OPCML: variants seen among roughly 807,000 people sequenced by gnomAD.
OPCML encodes opioid binding protein/cell adhesion molecule like.
Under a neutral mutation model 37.8 loss-of-function variants are expected in OPCML, and 13 were observed. The observed-to-expected ratio is 0.34, with a 90% CI of 0.22 to 0.55. The LOEUF (loss-of-function observed/expected upper bound fraction) is 0.55, where lower values mean the gene tolerates loss of function less well. Ranked by LOEUF, OPCML falls within the 20% of genes least tolerant of loss-of-function variation. OPCML has a pLI of 0.91. For missense variants in OPCML, 341 were observed against 435.6 expected, an observed-to-expected ratio of 0.78 and a Z score of 1.93; for synonymous variants, 176 against 168.8, an observed-to-expected ratio of 1.04 and a Z score of -0.33.
chr11:133,493,894 C>T (rs943259936), intron 1 of OPCML, among the ~76,000 whole-genome samples: 13 of 151,730 alleles, frequency 8.6e-5, no homozygotes, highest in Non-Finnish European at 1.3e-4. Context: ...TTCTGCACAG[C>T]GAAAGAAACT....
chr11:133,275,600 C>T (rs1941970529), intron 1 of OPCML, among the ~76,000 whole-genome samples: 1 of 152,150 alleles, frequency 6.6e-6, no homozygotes, highest in East Asian at 1.9e-4. Context: ...TCTACAAATA[C>T]AGACATGAGC....
intron 4 of OPCML, among the ~76,000 whole-genome samples, chr11:132,515,422 G>A (rs1243252332): frequency 6.6e-6 from 1 of 152,140 alleles, no homozygotes; most frequent in Admixed American, 6.5e-5. Context: ...CTATACTTTA[G>A]GTGTTCTGTG....
intron 1 of OPCML, among the ~76,000 whole-genome samples, chr11:133,430,231 G>A (rs1946089528): frequency 2.0e-5 from 3 of 152,102 alleles, no homozygotes; most frequent in African/African-American, 4.8e-5. Context: ...TGGTGGAGAG[G>A]TGAGATCTAA....
At chr11:132,516,818 G>C (rs2096280949) in intron 4 of OPCML, among the ~76,000 whole-genome samples, 1 of 152,102 alleles carries the variant, frequency 6.6e-6, no homozygotes, top group East Asian at 1.9e-4. Flanking sequence ...AGTCGGTGAT[G>C]ACCCCCTGGT....
chr11:132,563,378 T>A (rs1350457656), intron 3 of OPCML, among the ~76,000 whole-genome samples: 6 of 152,042 alleles, frequency 3.9e-5, no homozygotes, highest in African/African-American at 1.4e-4. Context: ...GTGTGTATGT[T>A]TCTGTATTTG....
intron 1 of OPCML, chr11:133,003,792 T>G (rs2136855127): frequency 1.0e-6 from 1 of 985,450 alleles, no homozygotes; most frequent in South Asian, 4.7e-5. Context: ...GAGTGTTCTT[T>G]GTGCTGGGCC....
chr11:132,771,852 G>T (rs186033013), intron 2 of OPCML: 26 of 152,314 alleles, frequency 1.7e-4, no homozygotes, highest in African/African-American at 6.3e-4. Context: ...GAAAAAAAGT[G>T]TTACATCTCA....
intron 3 of OPCML, among the ~76,000 whole-genome samples, chr11:132,569,513 G>A (rs2096432358): frequency 6.6e-6 from 1 of 152,130 alleles, no homozygotes; most frequent in Non-Finnish European, 1.5e-5. Context: ...TAGAGAAAAT[G>A]GGAGAGAAAA....
chr11:133,314,232 CAAAAAAAAAAAA>C (rs59843718), intron 1 of OPCML, among the ~76,000 whole-genome samples: 2 of 49,752 alleles, frequency 4.0e-5, no homozygotes, highest in African/African-American at 1.5e-4. Context: ...GACTCCGTCT[CAAAAAAAAAAAA>C]AAAAAAAAAA....
rs564417376 is a variant in OPCML, at chr11:133,478,906, A to AGAAAC, written c.61+53353_61+53357dup. On this transcript the variant is annotated intron_variant, in intron 1 of 7. Transcript: ENST00000524381. ...CACCTGAGGCACCAGAGTTAAATAA[A>AGAAAC]GAAACAAGTCACGCCATCCTAATTT... is the stretch of plus-strand genomic sequence containing the variant. 2.6e-3 allele frequency among the ~76,000 whole-genome samples: 394 copies of AGAAAC among 152,304 alleles called. 2 individuals are homozygous for AGAAAC. The highest frequency in any genetic ancestry group is 3.7e-3 in the Non-Finnish European group (254 of 68,014).
At chr11:132,712,909 T>C (rs1370218714) in intron 2 of OPCML, among the ~76,000 whole-genome samples, 3 of 152,252 alleles carry the variant, frequency 2.0e-5, no homozygotes, top group Non-Finnish European at 4.4e-5. Context: ...GGCTTAAGCC[T>C]CATCGCTCTT....
At chr11:132,529,830 G>A (rs1317456889) in intron 3 of OPCML, among the ~76,000 whole-genome samples, 1 of 152,140 alleles carries the variant, frequency 6.6e-6, no homozygotes, top group Non-Finnish European at 1.5e-5. Flanking sequence ...AACCAGCAAT[G>A]TGTGGGTGTC....
In OPCML at chr11:133,241,328, C is replaced by T. The variant is rs570329749; in HGVS notation, c.61+290936G>A. ...AAAATAAGCTCACACTGAATTATTCCCGAAAAATGAATTCATGTACAAAAA... is the reference window on the plus strand; with the variant it reads ...AAAATAAGCTCACACTGAATTATTCTCGAAAAATGAATTCATGTACAAAAA... On this transcript the variant is annotated intron_variant, in intron 1 of 7. Transcript: ENST00000524381. Among the ~76,000 whole-genome samples the T allele has an allele frequency of 1.4e-3, 218 of 152,256 alleles. 5 individuals are homozygous for T. The highest frequency in any genetic ancestry group is 0.01 in the Middle Eastern group (3 of 294).
At chr11:132,457,543 A>C (rs1261778815) in intron 4 of OPCML, among the ~76,000 whole-genome samples, 3 of 152,186 alleles carry the variant, frequency 2.0e-5, no homozygotes, top group Non-Finnish European at 4.4e-5. Flanking sequence ...GCAGGTGGTA[A>C]AGAGATAACC....
At chr11:132,564,417 T>G (rs1194095918) in intron 3 of OPCML, among the ~76,000 whole-genome samples, 1 of 152,228 alleles carries the variant, frequency 6.6e-6, no homozygotes, top group Admixed American at 6.5e-5. Context: ...CTTCCCAGAT[T>G]GTCAGTTCTC....
At chr11:133,493,400 C>A (rs1281161529) in intron 1 of OPCML, among the ~76,000 whole-genome samples, 1 of 152,186 alleles carries the variant, frequency 6.6e-6, no homozygotes, top group African/African-American at 2.4e-5. Context: ...ATAAAGTCAC[C>A]TCGAATCTCG....
chr11:132,545,012 A>T (rs911296222), intron 3 of OPCML, among the ~76,000 whole-genome samples: 1 of 152,196 alleles, frequency 6.6e-6, no homozygotes, highest in Admixed American at 6.5e-5. Flanking sequence ...TCTTAATTTG[A>T]TTCATCTCCA....
intron 2 of OPCML, among the ~76,000 whole-genome samples, chr11:132,869,075 G>A (rs1942693534): frequency 6.6e-6 from 1 of 152,156 alleles, no homozygotes; most frequent in Non-Finnish European, 1.5e-5. Flanking sequence ...TGAGCAGTTG[G>A]AGCAAAAGCA....
chr11:132,478,925 T>C lies in OPCML; in HGVS notation c.506-41566A>G, dbSNP rs117787456. On this transcript the variant is annotated intron_variant, in intron 4 of 7. Coordinates refer to ENST00000524381, the MANE Select transcript of OPCML (RefSeq NM_001012393.5). Reference sequence around the variant, plus strand: ...TTATCCTAATTGAAAAATAAAGGACTACTCATCAGCTGAACATGTATCAAA... The same window carrying C: ...TTATCCTAATTGAAAAATAAAGGACCACTCATCAGCTGAACATGTATCAAA... Among the ~76,000 whole-genome samples the C allele has an allele frequency of 1.2e-4, 18 of 152,280 alleles. No individual in the cohort carries two copies. In the East Asian group the frequency reaches 3.5e-3, roughly 29 times the overall value.
Sources: gnomAD v4.1 joint callset for allele counts (sites outside exome capture counted in the v4.1 genomes callset) on GRCh38, gnomAD v4.1.1 for gene constraint, MANE v1.5 for transcripts, NCBI Gene and HGNC (gene_info 2026-07-23, HGNC 2026-07-21) for gene names.